GPHN: variants seen among roughly 807,000 people sequenced by gnomAD.
The protein encoded by GPHN is gephyrin.
A neutral mutation model predicts 95.5 loss-of-function variants in GPHN; 17 were observed. The ratio of observed to expected loss-of-function variants is 0.18; its 90% CI spans 0.12 to 0.27. GPHN has a LOEUF of 0.27. Among genes scored for constraint, GPHN ranks in the 10% least tolerant of loss-of-function variants. GPHN has a pLI of 1.00. For missense variants in GPHN, 660 were observed against 978.1 expected, an observed-to-expected ratio of 0.67 and a Z score of 4.34; for synonymous variants, 320 against 322.5, an observed-to-expected ratio of 0.99 and a Z score of 0.08.
chr14:66,959,342 G>C (rs2068743925), intron 8 of GPHN, among the ~76,000 whole-genome samples: 1 of 151,924 alleles, frequency 6.6e-6, no homozygotes, highest in African/African-American at 2.4e-5. Context: ...ACTGACCTTT[G>C]TGTTTACCTA....
chr14:66,683,661 A>G (rs2067144845), intron 2 of GPHN, among the ~76,000 whole-genome samples: 1 of 149,458 alleles, frequency 6.7e-6, no homozygotes, highest in Non-Finnish European at 1.5e-5. Context: ...GAAGTATATC[A>G]GAAATTTTTT....
chr14:66,604,935 G>A (rs1403108868), intron 1 of GPHN, among the ~76,000 whole-genome samples: 1 of 138,482 alleles, frequency 7.2e-6, no homozygotes, highest in African/African-American at 2.7e-5. Context: ...TTTAGGTCAC[G>A]CTTACAAGTG....
chr14:67,600,000 G>A, the GPHN span: 3 of 1,535,380 alleles, frequency 2.0e-6, no homozygotes, highest in East Asian at 2.5e-5. Context: ...CTTCGAGCGC[G>A]GGGAGGGGCC....
At chr14:66,745,355 A>G (rs535997975) in intron 2 of GPHN, among the ~76,000 whole-genome samples, 1 of 152,190 alleles carries the variant, frequency 6.6e-6, no homozygotes, top group East Asian at 1.9e-4. Context: ...ACCCCTGAAT[A>G]CTTCAGCATG....
At chr14:67,399,421 AAG>A in the GPHN span, among the ~76,000 whole-genome samples, 1 of 146,480 alleles carries the variant, frequency 6.8e-6, no homozygotes, top group African/African-American at 2.5e-5. Context: ...GGCAGGAATA[AAG>A]AGAAGGGTAG....
In GPHN at chr14:66,826,360, C is replaced by T. The variant is rs568236147; in HGVS notation, c.294+1794C>T. Among the ~76,000 whole-genome samples, 3 of 152,146 alleles carry T rather than the reference C, an allele frequency of 2.0e-5. No individual in the cohort carries two copies. The East Asian group carries it at 5.8e-4, about 29-fold the overall frequency. On this transcript the variant is annotated intron_variant, in intron 4 of 22. Coordinates refer to ENST00000478722, the MANE Select transcript of GPHN (RefSeq NM_020806.5). Reference sequence around the variant, plus strand: ...TAAATGTGGGTTTTTTTACTCGAACCAGCCAGTTCTTCAACTCTCCAGATA... The same window carrying T: ...TAAATGTGGGTTTTTTTACTCGAACTAGCCAGTTCTTCAACTCTCCAGATA...
chr14:67,675,990 G>A, the GPHN span, among the ~76,000 whole-genome samples: 29 of 152,092 alleles, frequency 1.9e-4, no homozygotes, highest in African/African-American at 6.8e-4. Flanking sequence ...CCAGCTACTC[G>A]GGAGGCTGAG....
At chr14:67,192,932 A>C in the GPHN span, among the ~76,000 whole-genome samples, 1 of 146,840 alleles carries the variant, frequency 6.8e-6, no homozygotes, top group Non-Finnish European at 1.5e-5. Context: ...GTATATATAG[A>C]TATCTAGATA....
chr14:66,739,607 G>C (rs2072622974), intron 2 of GPHN, among the ~76,000 whole-genome samples: 1 of 151,476 alleles, frequency 6.6e-6, no homozygotes, highest in African/African-American at 2.4e-5. Context: ...GTCTATGATG[G>C]ATAGTGCGTT....
the GPHN span, chr14:67,620,840 GT>G: frequency 3.5e-5 from 56 of 1,596,830 alleles, no homozygotes; most frequent in African/African-American, 6.3e-4. Flanking sequence ...TACCAAATGG[GT>G]TTTTTTCCGA....
chr14:67,090,971 TAAAA>T (rs563303764), intron 12 of GPHN, among the ~76,000 whole-genome samples: 4 of 145,774 alleles, frequency 2.7e-5, no homozygotes, highest in Admixed American at 1.4e-4. Context: ...GGCACACATT[TAAAA>T]AAAAAAACAC....
chr14:66,869,622 A>G (rs895751137), intron 4 of GPHN, among the ~76,000 whole-genome samples: 2 of 152,064 alleles, frequency 1.3e-5, no homozygotes, highest in African/African-American at 2.4e-5. Flanking sequence ...TTGGTTCTCT[A>G]CTACTCTTTG....
the GPHN span, chr14:67,581,164 C>T: frequency 1.5e-6 from 1 of 648,826 alleles, no homozygotes; most frequent in Admixed American, 2.5e-5. Context: ...CACTGCCTGG[C>T]AGTCACTAGC....
At chr14:67,175,126 G>T (rs1245751744) in intron 21 of GPHN, among the ~76,000 whole-genome samples, 1 of 152,098 alleles carries the variant, frequency 6.6e-6, no homozygotes, top group Non-Finnish European at 1.5e-5. Context: ...CATTGCTTTT[G>T]GTGTTTTAGT....
the GPHN span, among the ~76,000 whole-genome samples, chr14:67,560,233 G>A: frequency 6.6e-6 from 1 of 152,054 alleles, no homozygotes; most frequent in African/African-American, 2.4e-5. Context: ...CACCATGTTG[G>A]CCAGGCTGGT....
intron 2 of GPHN, among the ~76,000 whole-genome samples, chr14:66,751,807 A>G (rs1195788502): frequency 6.6e-6 from 1 of 152,108 alleles, no homozygotes. Context: ...CCCTACCAAG[A>G]GAGTCAACCT....
At chr14:66,941,662 C>A (rs1327372763) in intron 8 of GPHN, among the ~76,000 whole-genome samples, 1 of 151,824 alleles carries the variant, frequency 6.6e-6, no homozygotes, top group Non-Finnish European at 1.5e-5. Flanking sequence ...GGGAAACACA[C>A]CCTTCCAGTC....
At chr14:66,961,900 GTATATATATATATATATATATATATAT>G (rs2068931569) in intron 8 of GPHN, among the ~76,000 whole-genome samples, 2 of 52,958 alleles carry the variant, frequency 3.8e-5, no homozygotes, top group Non-Finnish European at 8.9e-5. Context: ...CCCTGAATGT[GTATATATATATATATATATATATATAT>G]ATATATATAT....
intron 4 of GPHN, among the ~76,000 whole-genome samples, chr14:66,877,714 A>G (rs1388045660): frequency 6.6e-6 from 1 of 152,158 alleles, no homozygotes; most frequent in African/African-American, 2.4e-5. Context: ...ACTACAAACC[A>G]CTGCTCAAGG....
Sources: allele counts gnomAD v4.1 joint callset (sites outside exome capture counted in the v4.1 genomes callset), GRCh38; gene constraint gnomAD v4.1.1; transcripts MANE v1.5; gene names NCBI Gene and HGNC (gene_info 2026-07-23, HGNC 2026-07-21).